Variants in F13A1 observed in about 807,000 individuals in gnomAD.
F13A1 encodes the protein FSF, A subunit.
A neutral mutation model predicts 80.1 loss-of-function variants in F13A1; 47 were observed. The observed-to-expected ratio is 0.59, with a 90% CI of 0.46 to 0.75. F13A1 has a LOEUF of 0.75. Ranked by LOEUF, F13A1 falls within the 30% of genes least tolerant of loss-of-function variation. The pLI is 0.00. For missense variants in F13A1, 817 were observed against 930.4 expected (o/e 0.88, Z 1.59); for synonymous variants, 349 against 344.9 (o/e 1.01, Z -0.13).
At chr6:6,180,424 C>T (rs894918538) in intron 11 of F13A1, among the ~76,000 whole-genome samples, 1 of 152,244 alleles carries the variant, frequency 6.6e-6, no homozygotes, top group Non-Finnish European at 1.5e-5. Context: ...GTATCCAGCT[C>T]TACACAGCAC....
intron 3 of F13A1, among the ~76,000 whole-genome samples, chr6:6,289,815 A>T (rs1758198860): frequency 1.4e-5 from 2 of 147,758 alleles, no homozygotes; most frequent in African/African-American, 2.5e-5. Context: ...GAACTTTTCT[A>T]TTTTTTTTTT....
chr6:6,191,636 T>C (rs142167558), intron 10 of F13A1, among the ~76,000 whole-genome samples: 2 of 152,178 alleles, frequency 1.3e-5, no homozygotes, highest in Non-Finnish European at 1.5e-5. Flanking sequence ...GCAGAAGATA[T>C]GCTCTTCACC....
At chr6:6,201,325 G>C (rs898859128) in intron 8 of F13A1, among the ~76,000 whole-genome samples, 1 of 152,158 alleles carries the variant, frequency 6.6e-6, no homozygotes, top group Non-Finnish European at 1.5e-5. Flanking sequence ...TTCACTCATG[G>C]CTGAGACGTT....
intron 13 of F13A1, among the ~76,000 whole-genome samples, chr6:6,166,726 C>G (rs3024483): frequency 6.6e-6 from 1 of 152,204 alleles, no homozygotes; most frequent in Non-Finnish European, 1.5e-5. Flanking sequence ...ATCTTCCACT[C>G]TCATCAACCC....
At position 6,234,494 on chromosome 6, in the gene F13A1, GGT is replaced by G. The variant is rs569120934; in HGVS notation, c.799-9636_799-9635del. ...GAGACTCTGTGATAACAGATTCAGGGGTGAGAAAACTCTATATAAGTTAAGCA... is the reference window on the plus strand; with the variant it reads ...GAGACTCTGTGATAACAGATTCAGGGGAGAAAACTCTATATAAGTTAAGCA... On this transcript the variant is annotated intron_variant, in intron 6 of 14. Coordinates refer to ENST00000264870, the MANE Select transcript of F13A1 (RefSeq NM_000129.4). 1.8e-3 allele frequency among the ~76,000 whole-genome samples: 270 copies of G among 151,984 alleles called. 2 individuals carry two copies. The highest frequency in any genetic ancestry group is 6.8e-3 in the Middle Eastern group (2 of 294).
rs1261854961 is a variant in F13A1, at chr6:6,243,538, C to A, written c.798+4774G>T. ...TCATCTGGGCTCCATTCCCTTGGGGCTCTCTTCTTTTCTAGGAAATGGCAA... is the reference window on the plus strand; with the variant it reads ...TCATCTGGGCTCCATTCCCTTGGGGATCTCTTCTTTTCTAGGAAATGGCAA... On this transcript the variant is annotated intron_variant, in intron 6 of 14. Transcript: ENST00000264870. This position sits in a 1 kb window ranked among gnomAD's most constrained non-coding sequence, Gnocchi z 4.2. Among the ~76,000 whole-genome samples, 1 of 152,178 alleles carries A rather than the reference C, an allele frequency of 6.6e-6. No homozygotes were observed. Among genetic ancestry groups the A allele is most frequent in the Non-Finnish European group, 1.5e-5 (1 of 68,034 alleles).
chr6:6,299,681 G>T (rs1157021715), intron 3 of F13A1, among the ~76,000 whole-genome samples: 1 of 140,654 alleles, frequency 7.1e-6, no homozygotes, highest in African/African-American at 3.0e-5. Context: ...CAACTTCTTT[G>T]CCTTTGGTTT....
intron 8 of F13A1, among the ~76,000 whole-genome samples, chr6:6,201,490 G>A (rs879744002): frequency 3.9e-5 from 6 of 152,118 alleles, no homozygotes; most frequent in Non-Finnish European, 7.4e-5. Flanking sequence ...TGAAGAGAAC[G>A]AGAGGGTGCT....
intron 10 of F13A1, among the ~76,000 whole-genome samples, chr6:6,183,673 A>T (rs571324906): frequency 6.6e-6 from 1 of 152,338 alleles, no homozygotes; most frequent in African/African-American, 2.4e-5. Flanking sequence ...ATACTTTGGG[A>T]GCACATGGGG....
intron 4 of F13A1, 77 bp downstream of exon 4, chr6:6,266,481 G>A (rs996455414): frequency 1.9e-6 from 3 of 1,609,544 alleles, no homozygotes; most frequent in African/African-American, 2.7e-5. Context: ...CAAAGAGCTG[G>A]GAGTATAGGC....
chr6:6,211,267 C>A (rs1761603311), intron 8 of F13A1, among the ~76,000 whole-genome samples: 1 of 152,208 alleles, frequency 6.6e-6, no homozygotes, highest in Non-Finnish European at 1.5e-5. Flanking sequence ...TTGAAGGTGG[C>A]AAATAATGTT....
At chr6:6,298,253 G>A (rs1307597874) in intron 3 of F13A1, among the ~76,000 whole-genome samples, 2 of 147,328 alleles carry the variant, frequency 1.4e-5, no homozygotes, top group Non-Finnish European at 3.0e-5. Context: ...TTCTGTAGAT[G>A]TCTATTAGGT....
At chr6:6,310,264 G>A (rs79616910) in intron 2 of F13A1, among the ~76,000 whole-genome samples, 22,587 of 152,232 alleles carry the variant, frequency 0.15, 2,061 homozygotes, top group Non-Finnish European at 0.21. Context: ...ATATGCTGAT[G>A]TATACCACAG....
At chr6:6,158,220 A>G (rs947348196) in intron 13 of F13A1, among the ~76,000 whole-genome samples, 2 of 152,122 alleles carry the variant, frequency 1.3e-5, no homozygotes, top group African/African-American at 2.4e-5. Context: ...AGTGTCACGG[A>G]CATAACTGAG....
At chr6:6,263,673 T>C (rs1757807369) in intron 4 of F13A1, among the ~76,000 whole-genome samples, 1 of 152,208 alleles carries the variant, frequency 6.6e-6, no homozygotes, top group African/African-American at 2.4e-5. Context: ...CAAATTAACA[T>C]TTCTGAATGT....
intron 8 of F13A1, among the ~76,000 whole-genome samples, chr6:6,212,959 T>G (rs866837146): frequency 8.7e-5 from 13 of 149,966 alleles, no homozygotes; most frequent in Non-Finnish European, 4.4e-5. Context: ...TGAAATGAAG[T>G]GAGAAGGGAA....
chr6:6,247,165 C>CTTAG (rs1232951878), intron 6 of F13A1, among the ~76,000 whole-genome samples: 17 of 152,058 alleles, frequency 1.1e-4, no homozygotes, highest in Admixed American at 1.0e-3. Flanking sequence ...TCACATGTAG[C>CTTAG]TTAGTTATTA....
chr6:6,311,504 A>G (rs2113194836), intron 2 of F13A1, among the ~76,000 whole-genome samples: 1 of 129,562 alleles, frequency 7.7e-6, no homozygotes, highest in East Asian at 2.3e-4. Flanking sequence ...AATGCCTTTG[A>G]GAATAGAAAA....
rs267606787 is a variant in F13A1 at position 6,145,708 on chromosome 6, G to A, written c.2110C>T (p.Arg704Trp). ...EVCRPWVSGH[R>W]KLIASMSSDS... ...CTGCTCATGCTGGCTATCAGCTTCC[G>A]ATGCCCAGAGACCCAGGGCCGGCAC... is the stretch of plus-strand genomic sequence containing the variant. Residue 704 changes from arginine to tryptophan, a missense_variant, in exon 15 of 15, where the codon CGG becomes TGG. Coordinates refer to ENST00000264870, the MANE Select transcript of F13A1 (RefSeq NM_000129.4). 1.9e-6 allele frequency: 3 copies of A among 1,614,104 alleles called. No homozygotes were observed. Among genetic ancestry groups the A allele is most frequent in the South Asian group, 1.1e-5 (1 of 91,056 alleles).
Sources: gnomAD v4.1 joint callset for allele counts (sites outside exome capture counted in the v4.1 genomes callset) on GRCh38, gnomAD v4.1.1 for gene constraint, Gnocchi (gnomAD v3.1) non-coding constraint, MANE v1.5 for transcripts, NCBI Gene and HGNC (gene_info 2026-07-23, HGNC 2026-07-21) for gene names.